EFCAB9: variants seen among roughly 807,000 people sequenced by gnomAD.
EFCAB9 encodes EF-hand calcium-binding domain-containing protein 9.
EFCAB9 carries 16 observed loss-of-function variants against 15.6 expected under a neutral mutation model. The ratio of observed to expected loss-of-function variants is 1.03; its 90% CI spans 0.69 to 1.56. EFCAB9 has a LOEUF of 1.56. Among genes scored for constraint, EFCAB9 ranks in the 40% most tolerant of loss-of-function variants. EFCAB9 has a pLI of 0.00. For synonymous variants in EFCAB9, 76 were observed against 85.4 expected (o/e 0.89, Z 0.61); for missense variants, 208 against 235.4 (o/e 0.88, Z 0.76).
chr5:172,197,332 C>T (rs751788046), intron 1 of EFCAB9, among the ~76,000 whole-genome samples: 2 of 152,128 alleles, frequency 1.3e-5, no homozygotes, highest in African/African-American at 2.4e-5. Context: ...ATCTCGAACT[C>T]GTGACCTCAG....
At chr5:172,198,894 A>G (rs556907948) in intron 1 of EFCAB9, among the ~76,000 whole-genome samples, 14 of 152,332 alleles carry the variant, frequency 9.2e-5, no homozygotes, top group East Asian at 3.9e-4. Context: ...GATTACAGGC[A>G]TGAGCTACTG....
intron 3 of EFCAB9, among the ~76,000 whole-genome samples, chr5:172,202,873 A>T (rs939573638): frequency 9.9e-5 from 15 of 152,058 alleles, no homozygotes; most frequent in Admixed American, 1.3e-4. Flanking sequence ...GGTGGTGTGC[A>T]TCTGTAATCC....
intron 1 of EFCAB9, among the ~76,000 whole-genome samples, chr5:172,198,386 G>C (rs1771197389): frequency 6.6e-6 from 1 of 152,162 alleles, no homozygotes; most frequent in African/African-American, 2.4e-5. Flanking sequence ...GCATGCACCT[G>C]TGGTCCCAGC....
chr5:172,203,246 A>G lies in EFCAB9; in HGVS notation c.495A>G (p.Thr165=), dbSNP rs1338282315. The change falls in exon 4 of 4, where the codon ACA becomes ACG. Residue 165 remains threonine (T), a synonymous_variant. Coordinates refer to ENST00000398186, the MANE Select transcript of EFCAB9 (RefSeq NM_001171183.2). ...ATTATCAGGAATTTAAGCTGTATACAATCATCTACACTGACAAATTACAGA... is the reference window on the plus strand; with the variant it reads ...ATTATCAGGAATTTAAGCTGTATACGATCATCTACACTGACAAATTACAGA... ...RLNYQEFKLY[T]IIYTDKLQKR... The G allele has an allele frequency of 6.5e-7, 1 of 1,535,584 alleles. No homozygotes were observed. Among genetic ancestry groups the G allele is most frequent in the South Asian group, 1.2e-5 (1 of 83,888 alleles).
chr5:172,200,013 T>C (rs555109576), intron 2 of EFCAB9, among the ~76,000 whole-genome samples: 1 of 143,902 alleles, frequency 6.9e-6, no homozygotes, highest in South Asian at 2.3e-4. Flanking sequence ...CTCAGCTCAC[T>C]GCAACCTCCA....
chr5:172,196,710 G>C (rs1290287710), intron 1 of EFCAB9, among the ~76,000 whole-genome samples: 1 of 152,118 alleles, frequency 6.6e-6, no homozygotes. Context: ...GAGAGTTTCT[G>C]TCATCAGTGA....
At chr5:172,195,388 G>T (rs1359133477) in intron 1 of EFCAB9, among the ~76,000 whole-genome samples, 1 of 152,042 alleles carries the variant, frequency 6.6e-6, no homozygotes. Context: ...TGATTTTAAG[G>T]AGTTCATTCA....
intron 1 of EFCAB9, among the ~76,000 whole-genome samples, chr5:172,196,348 A>G (rs1250068913): frequency 1.3e-5 from 2 of 151,322 alleles, no homozygotes; most frequent in South Asian, 4.2e-4. Flanking sequence ...CTGGGACTCC[A>G]CATTACACAG....
At chr5:172,196,628 G>A (rs914133739) in intron 1 of EFCAB9, among the ~76,000 whole-genome samples, 4 of 151,876 alleles carry the variant, frequency 2.6e-5, no homozygotes, top group Admixed American at 6.6e-5. Context: ...CTCCTGCCTC[G>A]GCCTCCCAAA....
At chr5:172,198,353 TAAA>T (rs1001220239) in intron 1 of EFCAB9, among the ~76,000 whole-genome samples, 2 of 151,910 alleles carry the variant, frequency 1.3e-5, no homozygotes, top group Non-Finnish European at 2.9e-5. Context: ...TACAAAAAAT[TAAA>T]AAATTACCTG....
Position 172,198,788 on chromosome 5 carries a change from G to A in EFCAB9, c.137-595G>A, listed in dbSNP as rs1422283163. ...GTGCCACCACGCCTGGCTAATTTTTGTATTTTTAGTAGAGACAGGGTTTCA... is the reference window on the plus strand; with the variant it reads ...GTGCCACCACGCCTGGCTAATTTTTATATTTTTAGTAGAGACAGGGTTTCA... On this transcript the variant is annotated intron_variant, in intron 1 of 3. Coordinates refer to ENST00000398186, the MANE Select transcript of EFCAB9 (RefSeq NM_001171183.2). 3.3e-5 allele frequency among the ~76,000 whole-genome samples: 5 copies of A among 152,260 alleles called. 1 individual carries two copies. The highest frequency in any genetic ancestry group is 2.4e-5 in the African/African-American group (1 of 41,564).
intron 2 of EFCAB9, among the ~76,000 whole-genome samples, chr5:172,200,051 T>A (rs1249156753): frequency 6.7e-6 from 1 of 150,238 alleles, no homozygotes; most frequent in African/African-American, 2.5e-5. Flanking sequence ...ATCAAGTAGC[T>A]GGGACTACAG....
chr5:172,203,073 G>A (rs977145701), intron 3 of EFCAB9, 141 bp from the exon 4 acceptor site: 82 of 788,206 alleles, frequency 1.0e-4, no homozygotes, highest in Non-Finnish European at 1.3e-4. Context: ...GACTACAATC[G>A]GACTATAATT....
At chr5:172,198,940 T>A (rs1283038618) in intron 1 of EFCAB9, among the ~76,000 whole-genome samples, 2 of 152,188 alleles carry the variant, frequency 1.3e-5, no homozygotes, top group Non-Finnish European at 2.9e-5. Context: ...GTATTCCTCA[T>A]TTTAATTATC....
intron 1 of EFCAB9, among the ~76,000 whole-genome samples, chr5:172,198,211 T>C (rs1049353297): frequency 2.0e-5 from 3 of 152,120 alleles, no homozygotes; most frequent in Non-Finnish European, 2.9e-5. Flanking sequence ...AATGTGGCAT[T>C]TAAAGTGCCT....
chr5:172,197,121 T>C (rs1257352851), intron 1 of EFCAB9, among the ~76,000 whole-genome samples: 1 of 152,094 alleles, frequency 6.6e-6, no homozygotes, highest in Non-Finnish European at 1.5e-5. Context: ...TTTTTTTTTT[T>C]TTTTAAACAG....
chr5:172,201,774 T>C (rs1269376068), intron 3 of EFCAB9, among the ~76,000 whole-genome samples: 2 of 152,072 alleles, frequency 1.3e-5, no homozygotes, highest in African/African-American at 4.8e-5. Flanking sequence ...CCTGGGAGGC[T>C]GAGAAGGGAG....
chr5:172,201,099 G>C (rs1297656432), intron 3 of EFCAB9, among the ~76,000 whole-genome samples: 2 of 152,204 alleles, frequency 1.3e-5, no homozygotes, highest in African/African-American at 4.8e-5. Flanking sequence ...AAATTGGCCA[G>C]GCGTGGTGGC....
At chr5:172,201,205 G>A (rs912755907) in intron 3 of EFCAB9, among the ~76,000 whole-genome samples, 9 of 152,138 alleles carry the variant, frequency 5.9e-5, no homozygotes, top group African/African-American at 2.2e-4. Context: ...GAGAAACCCT[G>A]TCCCTACTAA....
Sources: allele counts gnomAD v4.1 joint callset (sites outside exome capture counted in the v4.1 genomes callset), GRCh38; gene constraint gnomAD v4.1.1; transcripts MANE v1.5; gene names NCBI Gene and HGNC (gene_info 2026-07-23, HGNC 2026-07-21).